Variants in CTIF observed in about 807,000 individuals in gnomAD.
CTIF encodes cap binding complex dependent translation initiation factor, also known as CBP80/20-dependent translation initiation factor.
A neutral mutation model predicts 66.0 loss-of-function variants in CTIF; 21 were observed. The observed-to-expected ratio is 0.32, with a 90% CI of 0.23 to 0.46. The LOEUF (loss-of-function observed/expected upper bound fraction) is 0.46. Among genes scored for constraint, CTIF ranks in the 20% least tolerant of loss-of-function variants. CTIF has a pLI of 1.00. For missense variants in CTIF, 739 were observed against 812.7 expected (o/e 0.91, Z 1.10); for synonymous variants, 345 against 326.4 (o/e 1.06, Z -0.62).
intron 3 of CTIF, among the ~76,000 whole-genome samples, chr18:48,656,431 G>A (rs1004824584): frequency 1.3e-5 from 2 of 152,170 alleles, no homozygotes; most frequent in Non-Finnish European, 2.9e-5. Flanking sequence ...ACAGTGCCAC[G>A]CTTGGGCAGT....
At chr18:48,788,081 C>G (rs963935873) in intron 9 of CTIF, among the ~76,000 whole-genome samples, 1 of 152,166 alleles carries the variant, frequency 6.6e-6, no homozygotes, top group South Asian at 2.1e-4. Flanking sequence ...TGGGACCCCC[C>G]CTTTCAGAGT....
intron 7 of CTIF, among the ~76,000 whole-genome samples, chr18:48,750,869 G>A (rs1262497431): frequency 6.6e-6 from 1 of 152,192 alleles, no homozygotes; most frequent in African/African-American, 2.4e-5. Context: ...CTCAGCAATG[G>A]TGTGCAAGCT....
chr18:48,587,641 C>T (rs770311000), intron 1 of CTIF, among the ~76,000 whole-genome samples: 1 of 152,174 alleles, frequency 6.6e-6, no homozygotes, highest in Non-Finnish European at 1.5e-5. Flanking sequence ...CCTCACTTTT[C>T]TCATCTGTAA....
chr18:48,626,000 CTTTTTT>C (rs74174709), intron 2 of CTIF, among the ~76,000 whole-genome samples: 1 of 109,174 alleles, frequency 9.2e-6, no homozygotes, highest in African/African-American at 3.9e-5. Context: ...CTTTTTCTTT[CTTTTTT>C]TTTTTTTTTT....
At chr18:48,613,893 G>A (rs759537458) in intron 1 of CTIF, among the ~76,000 whole-genome samples, 2 of 152,154 alleles carry the variant, frequency 1.3e-5, no homozygotes, top group African/African-American at 2.4e-5. Context: ...AGGGCTGCCC[G>A]CCCCTGTGGT....
intron 1 of CTIF, among the ~76,000 whole-genome samples, chr18:48,571,630 T>C (rs1377721710): frequency 1.3e-5 from 2 of 152,230 alleles, no homozygotes; most frequent in African/African-American, 2.4e-5. Context: ...CAGCACATAG[T>C]GATCCTCCTT....
rs544053654 is a variant in CTIF at position 48,817,890 on chromosome 18, C to T, written c.1527+514C>T. Among the ~76,000 whole-genome samples, 9 of 152,320 alleles carry T rather than the reference C, an allele frequency of 5.9e-5. No individual in the cohort carries two copies. The East Asian group carries it at 1.7e-3, about 29-fold the overall frequency. Reference sequence around the variant, plus strand: ...GTTTATATAAAGGGAACCAGCACCCCCTTCCCCCGTGGGGTGTTGTGAACT... The same window carrying T: ...GTTTATATAAAGGGAACCAGCACCCTCTTCCCCCGTGGGGTGTTGTGAACT... On this transcript the variant is annotated intron_variant, in intron 10 of 11. Coordinates refer to ENST00000256413, the MANE Select transcript of CTIF (RefSeq NM_014772.3).
chr18:48,623,846 AGGAT>A (rs529662129), intron 2 of CTIF, among the ~76,000 whole-genome samples: 3,718 of 150,820 alleles, frequency 0.025, 68 homozygotes, highest in Non-Finnish European at 0.038. Context: ...AAAGAAATGA[AGGAT>A]GGATGGATGG....
intron 7 of CTIF, among the ~76,000 whole-genome samples, chr18:48,741,976 A>G (rs1046953863): frequency 2.0e-5 from 3 of 152,208 alleles, no homozygotes; most frequent in Non-Finnish European, 2.9e-5. Context: ...CCTGACCCAC[A>G]GCAAAAATCT....
chr18:48,656,412 G>A (rs1370143822), intron 3 of CTIF, among the ~76,000 whole-genome samples: 1 of 152,168 alleles, frequency 6.6e-6, no homozygotes, highest in Non-Finnish European at 1.5e-5. Context: ...GCTTCTTAGG[G>A]TTGTAGTAAC....
intron 6 of CTIF, among the ~76,000 whole-genome samples, chr18:48,696,800 G>T (rs1011552634): frequency 1.3e-5 from 2 of 152,194 alleles, no homozygotes; most frequent in Non-Finnish European, 2.9e-5. Context: ...CTGCTGCCTT[G>T]CTGTCTCAGA....
intron 6 of CTIF, among the ~76,000 whole-genome samples, chr18:48,699,424 G>GGGGCTGGGGCT (rs1372034086): frequency 1.8e-4 from 27 of 152,044 alleles, no homozygotes; most frequent in African/African-American, 6.3e-4. Flanking sequence ...GGCTGGGGCT[G>GGGGCTGGGGCT]GGGCTGGGGC....
At chr18:48,668,688 T>C (rs1256437518) in intron 5 of CTIF, among the ~76,000 whole-genome samples, 1 of 152,106 alleles carries the variant, frequency 6.6e-6, no homozygotes, top group African/African-American at 2.4e-5. Context: ...GGCCTTTGCC[T>C]GCGCCGTGTC....
chr18:48,642,774 C>T (rs762437580), intron 3 of CTIF, among the ~76,000 whole-genome samples: 2 of 152,154 alleles, frequency 1.3e-5, no homozygotes, highest in Non-Finnish European at 1.5e-5. Flanking sequence ...ACCAAACAAT[C>T]CAAATCTTAG....
At position 48,860,101 on chromosome 18, in the gene CTIF, G is replaced by A. The variant is rs369365547; in HGVS notation, c.*542G>A. On this transcript the variant is annotated 3_prime_UTR_variant, in exon 12 of 12. Transcript: ENST00000256413. ...CAGGCACGGTCCCCACCAGCCGCCCGTAATTGACGGCCTTTGTCAGCCATG... is the reference window on the plus strand; with the variant it reads ...CAGGCACGGTCCCCACCAGCCGCCCATAATTGACGGCCTTTGTCAGCCATG... The A allele has an allele frequency of 6.4e-5, 24 of 377,780 alleles. No individual in the cohort carries two copies. In the East Asian group the frequency reaches 8.1e-4, roughly 13 times the overall value. 23.4% of individuals were successfully genotyped at this position (377,780 alleles called of 1,614,324 possible).
intron 9 of CTIF, among the ~76,000 whole-genome samples, chr18:48,782,642 A>G (rs1262877207): frequency 6.6e-6 from 1 of 152,196 alleles, no homozygotes; most frequent in African/African-American, 2.4e-5. Flanking sequence ...GTGCACCCAC[A>G]GGGCCACAGG....
At chr18:48,772,136 A>C (rs1281725316) in intron 9 of CTIF, among the ~76,000 whole-genome samples, 1 of 152,242 alleles carries the variant, frequency 6.6e-6, no homozygotes, top group African/African-American at 2.4e-5. Flanking sequence ...CTCTGGAACC[A>C]GCCTGTGCAT....
chr18:48,846,133 A>T (rs11082709), intron 10 of CTIF, among the ~76,000 whole-genome samples: 62,627 of 152,182 alleles, frequency 0.41, 14,421 homozygotes, highest in African/African-American at 0.63. Flanking sequence ...TAGAGCCCTT[A>T]AATATGTGGC....
At chr18:48,545,164 C>T (rs1441665120) in intron 1 of CTIF, among the ~76,000 whole-genome samples, 3 of 152,168 alleles carry the variant, frequency 2.0e-5, no homozygotes, top group African/African-American at 7.2e-5. Flanking sequence ...ATGAGGCTGC[C>T]TGGGTGTAGG....
Sources: allele counts gnomAD v4.1 joint callset (sites outside exome capture counted in the v4.1 genomes callset), GRCh38; gene constraint gnomAD v4.1.1; transcripts MANE v1.5; gene names NCBI Gene and HGNC (gene_info 2026-07-23, HGNC 2026-07-21).